SNX29: variants seen among roughly 807,000 people sequenced by gnomAD.
The protein encoded by SNX29 is sorting nexin-29.
SNX29 carries 78 observed loss-of-function variants against 102.1 expected under a neutral mutation model. The ratio of observed to expected loss-of-function variants is 0.76; its 90% confidence interval spans 0.64 to 0.92. The LOEUF (loss-of-function observed/expected upper bound fraction) is 0.92, where lower values mean the gene tolerates loss of function less well. Ranked by LOEUF, SNX29 falls within the 40% of genes least tolerant of loss-of-function variation. The probability of loss-of-function intolerance (pLI) is 0.00; values close to 1 mark genes in which losing one functional copy is unlikely to be tolerated. For missense variants in SNX29, 1,280 were observed against 1,061.7 expected (o/e 1.21, Z -2.86); for synonymous variants, 580 against 414.5 (o/e 1.40, Z -4.85).
intron 20 of SNX29, among the ~76,000 whole-genome samples, chr16:12,532,902 G>T (rs2076970241): frequency 6.6e-6 from 1 of 152,358 alleles, no homozygotes; most frequent in African/African-American, 2.4e-5. Flanking sequence ...CCTAGCCCCA[G>T]AGCGTTAAGA....
At chr16:11,987,366 G>A (rs1002769350) in intron 1 of SNX29, among the ~76,000 whole-genome samples, 1 of 149,184 alleles carries the variant, frequency 6.7e-6, no homozygotes, top group Non-Finnish European at 1.5e-5. Flanking sequence ...CACTGCACCC[G>A]GCCTGGGCAG....
chr16:12,143,143 A>G (rs563688799), intron 13 of SNX29, among the ~76,000 whole-genome samples: 3 of 151,824 alleles, frequency 2.0e-5, no homozygotes, highest in Admixed American at 6.6e-5. Flanking sequence ...GATTACAGGC[A>G]TGCGCCACCA....
At position 12,571,855 on chromosome 16, in the gene SNX29, C is replaced by A. The variant is rs972647049; in HGVS notation, c.*3226C>A. The stretch of plus-strand genomic sequence containing the variant: ...TTAGCAGTATGCTCCAATCACGTTG[C>A]TGGCAAGGCATTTTAGAGTTTGGAG... On this transcript the variant is annotated 3_prime_UTR_variant, in exon 21 of 21. Transcript: ENST00000566228. The A allele has an allele frequency of 2.0e-5, 21 of 1,059,882 alleles. No homozygotes were observed. The African/African-American group carries it at 3.1e-4, about 16-fold the overall frequency. 65.7% of individuals were successfully genotyped at this position (1,059,882 alleles called of 1,614,324 possible). A position where few individuals can be genotyped will look rare whatever the true frequency, so the allele number is the denominator to read the frequency against.
intron 3 of SNX29, among the ~76,000 whole-genome samples, chr16:12,013,500 A>AAAATATATATATAT: frequency 7.9e-4 from 25 of 31,616 alleles, no homozygotes; most frequent in South Asian, 2.8e-3. Context: ...AAAAAAAAAA[A>AAAATATATATATAT]ATATATATAT....
chr16:12,118,313 C>CTTTCTTTTTTTTTTTTT lies in SNX29; in HGVS notation c.1403-8317_1403-8316insCTTTTTTTTTTTTTTTT, dbSNP rs1286174976. On this transcript the variant is annotated intron_variant, in intron 11 of 20. Coordinates refer to ENST00000566228, the MANE Select transcript of SNX29 (RefSeq NM_032167.5). ...TGTAGATAGTAGATATACAGACCAC[C>CTTTCTTTTTTTTTTTTT]TTTTTTTTTTTTTTTTTTTTTTTAT... 1.6e-3 allele frequency among the ~76,000 whole-genome samples: 141 copies of CTTTCTTTTTTTTTTTTT among 86,126 alleles called. 5 individuals are homozygous for CTTTCTTTTTTTTTTTTT. The highest frequency in any genetic ancestry group is 0.015 in the East Asian group (28 of 1,876). 56.5% of individuals were successfully genotyped at this position (86,126 alleles called of 152,430 possible).
At chr16:12,422,134 A>C (rs2084899461) in intron 18 of SNX29, among the ~76,000 whole-genome samples, 1 of 152,232 alleles carries the variant, frequency 6.6e-6, no homozygotes, top group African/African-American at 2.4e-5. Context: ...AGAAAGAGGC[A>C]GCATTTTTCT....
In SNX29 at chr16:12,242,375, T is replaced by A. The variant is rs1402114283; in HGVS notation, c.1679-35558T>A. On this transcript the variant is annotated intron_variant, in intron 14 of 20. Coordinates refer to ENST00000566228, the MANE Select transcript of SNX29 (RefSeq NM_032167.5). Reference sequence around the variant, plus strand: ...ATAATATATATATATATATTTTTTTTTTTTTTTTAAGAAGAGGAGTTACAT... The same window carrying A: ...ATAATATATATATATATATTTTTTTATTTTTTTTAAGAAGAGGAGTTACAT... 7.7e-3 allele frequency among the ~76,000 whole-genome samples: 1,093 copies of A among 141,220 alleles called. 6 individuals are homozygous for A. Among genetic ancestry groups the A allele is most frequent in the Middle Eastern group, 0.04 (11 of 272 alleles). The allele number at this position is 141,220 out of a possible 152,430, so 92.6% of individuals were successfully genotyped here.
chr16:12,529,793 A>G (rs1384831177), intron 20 of SNX29, among the ~76,000 whole-genome samples: 5 of 152,116 alleles, frequency 3.3e-5, no homozygotes, highest in Admixed American at 6.6e-5. Context: ...CAGCGATGCC[A>G]CACCCTGACC....
At chr16:12,064,972 G>T (rs755400317) in intron 9 of SNX29, among the ~76,000 whole-genome samples, 1 of 152,170 alleles carries the variant, frequency 6.6e-6, no homozygotes, top group Non-Finnish European at 1.5e-5. Flanking sequence ...TGAACACGCT[G>T]GTGCCTTTGC....
At chr16:12,457,251 A>C (rs367928146) in intron 18 of SNX29, among the ~76,000 whole-genome samples, 1 of 152,218 alleles carries the variant, frequency 6.6e-6, no homozygotes, top group Admixed American at 6.5e-5. Context: ...GGGTGCTAAT[A>C]CTATCCCCGC....
chr16:11,998,778 A>G (rs1053625602), intron 1 of SNX29, among the ~76,000 whole-genome samples: 4 of 152,226 alleles, frequency 2.6e-5, no homozygotes, highest in African/African-American at 9.7e-5. Flanking sequence ...TGCTGAGAAG[A>G]GGAGTAATCA....
chr16:12,177,242 A>T (rs1477858082), intron 13 of SNX29, among the ~76,000 whole-genome samples: 3 of 151,996 alleles, frequency 2.0e-5, no homozygotes, highest in Admixed American at 2.0e-4. Flanking sequence ...GTGAGCCACC[A>T]TGCCTGGCTG....
At chr16:12,508,365 A>C (rs1567634687) in intron 19 of SNX29, among the ~76,000 whole-genome samples, 1 of 152,242 alleles carries the variant, frequency 6.6e-6, no homozygotes, top group African/African-American at 2.4e-5. Context: ...TCAGTAGCAC[A>C]GCTCGATGAA....
intron 18 of SNX29, chr16:12,443,513 T>A (rs546876114): frequency 6.5e-6 from 1 of 152,822 alleles, no homozygotes; most frequent in Non-Finnish European, 1.5e-5. Flanking sequence ...AGTGCAGTGG[T>A]GCTATCTTGG....
intron 18 of SNX29, among the ~76,000 whole-genome samples, chr16:12,461,065 A>G (rs138185956): frequency 1.9e-4 from 29 of 152,370 alleles, no homozygotes; most frequent in Non-Finnish European, 3.8e-4. Flanking sequence ...TAGATGCGAT[A>G]ATTGCCCACA....
intron 14 of SNX29, among the ~76,000 whole-genome samples, chr16:12,204,532 G>C (rs1222289084): frequency 6.6e-6 from 1 of 152,074 alleles, no homozygotes; most frequent in Non-Finnish European, 1.5e-5. Context: ...TTAAAGCCAC[G>C]AGCTCTCCTC....
At chr16:12,484,989 G>C (rs907691672) in intron 19 of SNX29, among the ~76,000 whole-genome samples, 2 of 152,132 alleles carry the variant, frequency 1.3e-5, no homozygotes, top group Admixed American at 6.5e-5. Context: ...AGATACTCAC[G>C]GTCTAAATTA....
Position 12,447,056 on chromosome 16 carries a change from A to G in SNX29, c.2038-30663A>G, listed in dbSNP as rs2086089826. ...GTGGCACGCATCTGTAGTCCCAGCT[A>G]CTTGGGAGGCTGAGGCAGCAGAATC... On this transcript the variant is annotated intron_variant, in intron 18 of 20. Coordinates refer to ENST00000566228, the MANE Select transcript of SNX29 (RefSeq NM_032167.5). 4.7e-5 allele frequency among the ~76,000 whole-genome samples: 7 copies of G among 149,234 alleles called. No individual in the cohort carries two copies. The South Asian group carries it at 1.3e-3, about 28-fold the overall frequency.
At chr16:12,450,492 T>C (rs2086255722) in intron 18 of SNX29, among the ~76,000 whole-genome samples, 2 of 152,182 alleles carry the variant, frequency 1.3e-5, no homozygotes. Context: ...TCATAGGCAA[T>C]GATGTGCCCA....
Sources: gnomAD v4.1 joint callset for allele counts (sites outside exome capture counted in the v4.1 genomes callset) on GRCh38, gnomAD v4.1.1 for gene constraint, MANE v1.5 for transcripts, NCBI Gene and HGNC (gene_info 2026-07-23, HGNC 2026-07-21) for gene names.